PTPRG: variants seen among roughly 807,000 people sequenced by gnomAD.
PTPRG encodes protein tyrosine phosphatase receptor type G.
Under a neutral mutation model 165.3 loss-of-function variants are expected in PTPRG, and 102 were observed. That is an observed-to-expected ratio of 0.62 (90% confidence interval 0.53 to 0.73). The LOEUF (loss-of-function observed/expected upper bound fraction) is 0.73, where lower values mean the gene tolerates loss of function less well. Among genes scored for constraint, PTPRG ranks in the 30% least tolerant of loss-of-function variants. The probability of loss-of-function intolerance (pLI) is 0.00; values close to 1 mark genes in which losing one functional copy is unlikely to be tolerated. For missense variants in PTPRG, 1,866 were observed against 1,861.4 expected, an observed-to-expected ratio of 1.00 and a Z score of -0.05; for synonymous variants, 675 against 669.5, an observed-to-expected ratio of 1.01 and a Z score of -0.13.
chr3:62,115,190 C>CA (rs1559524206), intron 5 of PTPRG, among the ~76,000 whole-genome samples: 1 of 152,136 alleles, frequency 6.6e-6, no homozygotes, highest in African/African-American at 2.4e-5. Flanking sequence ...ACCAACCAGA[C>CA]AGAGTTTTAA....
intron 1 of PTPRG, among the ~76,000 whole-genome samples, chr3:61,573,195 A>G (rs1042548095): frequency 1.1e-4 from 16 of 152,204 alleles, no homozygotes; most frequent in African/African-American, 3.9e-4. Context: ...CGCTCATTTA[A>G]GAGCTGGTTC....
intron 4 of PTPRG, among the ~76,000 whole-genome samples, chr3:62,074,352 C>CTTTTTTTTTTTTTTTTTTTTTTT (rs200189646): frequency 2.1e-4 from 23 of 109,106 alleles, no homozygotes; most frequent in Non-Finnish European, 3.6e-4. Context: ...TCTTTTCTTT[C>CTTTTTTTTTTTTTTTTTTTTTTT]TTTTTTTTTT....
chr3:62,229,487 T>C lies in PTPRG; in HGVS notation c.2289-1738T>C, dbSNP rs776395074. On this transcript the variant is annotated intron_variant, in intron 13 of 29. Transcript: ENST00000474889. The surrounding 1 kb of genome is among the most constrained non-coding windows in gnomAD (Gnocchi z 4.6). ...TCATTAGACAAAAGCGGAAAGAGAT[T>C]CACTGCTAAAGGTTGCCAGTTAAAC... 1.3e-5 allele frequency among the ~76,000 whole-genome samples: 2 copies of C among 152,218 alleles called. No individual in the cohort carries two copies. Among genetic ancestry groups the C allele is most frequent in the South Asian group, 2.1e-4 (1 of 4,832 alleles).
intron 4 of PTPRG, among the ~76,000 whole-genome samples, chr3:62,010,621 G>A (rs2041398972): frequency 6.6e-6 from 1 of 151,930 alleles, no homozygotes; most frequent in Non-Finnish European, 1.5e-5. Context: ...TTCAAGGCCA[G>A]CCTGGGCAAC....
intron 5 of PTPRG, among the ~76,000 whole-genome samples, chr3:62,090,320 G>C (rs1284943090): frequency 6.6e-6 from 1 of 152,116 alleles, no homozygotes; most frequent in African/African-American, 2.4e-5. Flanking sequence ...AAAGGTGGCT[G>C]CCAGACACTA....
Position 62,248,970 on chromosome 3 carries a change from C to A in PTPRG, c.2467+5072C>A, listed in dbSNP as rs186961574. ...TTTAAAACCCTTGGGATTAAACCAACCTTGTTGGCATATTTTATTTATACA... is the reference window on the plus strand; with the variant it reads ...TTTAAAACCCTTGGGATTAAACCAAACTTGTTGGCATATTTTATTTATACA... On this transcript the variant is annotated intron_variant, in intron 15 of 29. Coordinates refer to ENST00000474889, the MANE Select transcript of PTPRG (RefSeq NM_002841.4). Among the ~76,000 whole-genome samples, 618 of 152,250 alleles carry A rather than the reference C, an allele frequency of 4.1e-3. 3 individuals carry two copies. The highest frequency in any genetic ancestry group is 0.014 in the Middle Eastern group (4 of 294).
intron 7 of PTPRG, among the ~76,000 whole-genome samples, chr3:62,159,213 C>A (rs1704651276): frequency 6.6e-6 from 1 of 151,908 alleles, no homozygotes; most frequent in Admixed American, 6.6e-5. Context: ...GTCTGTTGAT[C>A]CCAGCTGCTT....
At chr3:61,734,750 A>G (rs929767737) in intron 1 of PTPRG, among the ~76,000 whole-genome samples, 2 of 152,174 alleles carry the variant, frequency 1.3e-5, no homozygotes, top group African/African-American at 4.8e-5. Context: ...TCTCCTTCCT[A>G]TCCCAAGTTT....
At chr3:61,598,059 T>G (rs1484704818) in intron 1 of PTPRG, among the ~76,000 whole-genome samples, 1 of 152,126 alleles carries the variant, frequency 6.6e-6, no homozygotes, top group South Asian at 2.1e-4. Flanking sequence ...TTGAACATGC[T>G]TGTTTTGAAA....
chr3:61,890,420 T>G (rs1475608628), intron 2 of PTPRG, among the ~76,000 whole-genome samples: 1 of 83,168 alleles, frequency 1.2e-5, no homozygotes, highest in East Asian at 6.3e-4. Context: ...TTGTTTTTTT[T>G]TTGTTTTTTT....
intron 4 of PTPRG, among the ~76,000 whole-genome samples, chr3:62,026,980 G>C (rs1288205185): frequency 6.6e-6 from 1 of 151,678 alleles, no homozygotes; most frequent in Non-Finnish European, 1.5e-5. Context: ...AGACATATGG[G>C]CAAATGAATA....
intron 2 of PTPRG, among the ~76,000 whole-genome samples, chr3:61,845,769 T>C (rs2036789089): frequency 6.6e-6 from 1 of 152,230 alleles, no homozygotes; most frequent in Admixed American, 6.5e-5. Flanking sequence ...CATAAGCATG[T>C]ATATTAATAA....
intron 1 of PTPRG, among the ~76,000 whole-genome samples, chr3:61,670,310 C>T (rs1438278743): frequency 6.6e-6 from 1 of 152,180 alleles, no homozygotes; most frequent in Non-Finnish European, 1.5e-5. Context: ...TTAATTCTTT[C>T]AGGCCAGCAA....
At position 62,222,200 on chromosome 3, in the gene PTPRG, C is replaced by T. The variant is rs552923593; in HGVS notation, c.2288+3217C>T. 1.3e-5 allele frequency among the ~76,000 whole-genome samples: 2 copies of T among 151,836 alleles called. No homozygotes were observed. The highest frequency in any genetic ancestry group is 1.3e-4 in the Admixed American group (2 of 15,280). ...ATCCATTTCAAAATGCCTTAAAGCT[C>T]AAGGGGAAAAAAAAAAGTTTGATTC... On this transcript the variant is annotated intron_variant, in intron 13 of 29. Transcript: ENST00000474889. The surrounding 1 kb of genome is among the most constrained non-coding windows in gnomAD (Gnocchi z 4.5).
intron 6 of PTPRG, among the ~76,000 whole-genome samples, chr3:62,135,438 A>G (rs1331833742): frequency 6.6e-6 from 1 of 152,206 alleles, no homozygotes; most frequent in African/African-American, 2.4e-5. Flanking sequence ...ATGTGTAAAG[A>G]GAAAAATCAA....
intron 5 of PTPRG, among the ~76,000 whole-genome samples, chr3:62,087,986 A>G (rs1701805509): frequency 6.6e-6 from 1 of 152,218 alleles, no homozygotes; most frequent in Non-Finnish European, 1.5e-5. Flanking sequence ...AAAAGGCTAT[A>G]AAGAGTATAG....
At chr3:61,619,250 G>C (rs1348380917) in intron 1 of PTPRG, among the ~76,000 whole-genome samples, 1 of 152,128 alleles carries the variant, frequency 6.6e-6, no homozygotes, top group Non-Finnish European at 1.5e-5. Flanking sequence ...AAAAGGATGG[G>C]CTTGACAGTC....
intron 2 of PTPRG, among the ~76,000 whole-genome samples, chr3:61,836,390 C>T (rs1387435214): frequency 6.6e-6 from 1 of 152,120 alleles, no homozygotes; most frequent in Non-Finnish European, 1.5e-5. Context: ...AAAGTTGTAA[C>T]ATTTTGAGGC....
intron 2 of PTPRG, among the ~76,000 whole-genome samples, chr3:61,921,498 G>A (rs1208752277): frequency 1.3e-5 from 2 of 152,006 alleles, no homozygotes; most frequent in Non-Finnish European, 2.9e-5. Flanking sequence ...CTGCCAGCAT[G>A]GTATCAAAGT....
Sources: allele counts gnomAD v4.1 joint callset (sites outside exome capture counted in the v4.1 genomes callset), GRCh38; gene constraint gnomAD v4.1.1; non-coding constraint Gnocchi (gnomAD v3.1); transcripts MANE v1.5; gene names NCBI Gene and HGNC (gene_info 2026-07-23, HGNC 2026-07-21).